The following STARD13 variants were observed in gnomAD, a reference collection of about 807,000 sequenced individuals.
The protein encoded by STARD13 is StAR related lipid transfer domain containing 13.
STARD13 carries 62 observed loss-of-function variants against 106.4 expected under a neutral mutation model. That is an observed-to-expected ratio of 0.58 (90% confidence interval 0.48 to 0.72). The LOEUF (loss-of-function observed/expected upper bound fraction) is 0.72, where lower values mean the gene tolerates loss of function less well. STARD13 is among the 30% of genes least tolerant of loss of function. The probability of loss-of-function intolerance (pLI) is 0.00; values close to 1 mark genes in which losing one functional copy is unlikely to be tolerated. For synonymous variants in STARD13, 565 were observed against 553.0 expected (o/e 1.02, Z -0.31); for missense variants, 1,387 against 1,424.0 (o/e 0.97, Z 0.42).
At chr13:33,145,657 T>C (rs1880430620) in intron 3 of STARD13, among the ~76,000 whole-genome samples, 1 of 152,196 alleles carries the variant, frequency 6.6e-6, no homozygotes, top group Non-Finnish European at 1.5e-5. Context: ...AAAATTGTGG[T>C]ATATCCATAC....
chr13:33,269,298 T>C (rs1160435914), intron 1 of STARD13, among the ~76,000 whole-genome samples: 2 of 152,174 alleles, frequency 1.3e-5, no homozygotes, highest in Non-Finnish European at 2.9e-5. Context: ...TTAAACACGT[T>C]AAGGAATATG....
At chr13:33,211,094 T>G (rs1293094808) in intron 1 of STARD13, among the ~76,000 whole-genome samples, 2 of 152,038 alleles carry the variant, frequency 1.3e-5, no homozygotes, top group East Asian at 3.8e-4. Context: ...GATCATTCCT[T>G]TTTAGTAAAT....
the STARD13 span, among the ~76,000 whole-genome samples, chr13:33,624,566 G>T: frequency 6.6e-6 from 1 of 152,056 alleles, no homozygotes. Context: ...CCAATGTCCT[G>T]CCCAGCATTG....
At position 33,239,915 on chromosome 13, in the gene STARD13, A is replaced by C. The variant is rs144863698; in HGVS notation, c.169+45555T>G. ...AAGTTTGATGTAGTCCCATTTGTCT[A>C]TTTTTGCTTTGCTGCCTGTGTTTTG... On this transcript the variant is annotated intron_variant, in intron 1 of 13. Transcript: ENST00000336934. 2.3e-3 allele frequency among the ~76,000 whole-genome samples: 351 copies of C among 151,998 alleles called. 1 individual carries two copies. Among genetic ancestry groups the C allele is most frequent in the African/African-American group, 7.9e-3 (328 of 41,444 alleles).
At chr13:33,302,029 A>G (rs1012697015) in intron 1 of STARD13, among the ~76,000 whole-genome samples, 3 of 152,188 alleles carry the variant, frequency 2.0e-5, no homozygotes, top group African/African-American at 7.2e-5. Context: ...AGGAGGAAGG[A>G]CTGATACAAG....
chr13:33,127,487 G>C lies in STARD13; in HGVS notation c.1808C>G (p.Pro603Arg), dbSNP rs2138152108. ...GCTGGCCGTCTGGCTGCTGATGTGG[G>C]GCGATGCTGGGGCCGGCCGGGGCTG... is the stretch of plus-strand genomic sequence containing the variant. ...SHQPRPAPASPHISSQTASQL... is the reference protein window; with the variant it reads ...SHQPRPAPASRHISSQTASQL... Residue 603 changes from proline (P) to arginine (R), a missense_variant, in exon 6 of 14, where the codon CCC (proline) becomes CGC (arginine). Coordinates refer to ENST00000336934, the MANE Select transcript of STARD13 (RefSeq NM_178006.4). The C allele has an allele frequency of 1.3e-6, 2 of 1,593,088 alleles. No homozygotes were observed. The highest frequency in any genetic ancestry group is 1.7e-6 in the Non-Finnish European group (2 of 1,175,138).
the STARD13 span, among the ~76,000 whole-genome samples, chr13:33,376,591 A>G: frequency 6.6e-6 from 1 of 152,166 alleles, no homozygotes; most frequent in Non-Finnish European, 1.5e-5. Flanking sequence ...ACCACACTCT[A>G]TCCTGACCAA....
At chr13:33,204,122 T>C (rs1324085233) in intron 1 of STARD13, among the ~76,000 whole-genome samples, 2 of 152,184 alleles carry the variant, frequency 1.3e-5, no homozygotes, top group Non-Finnish European at 2.9e-5. Context: ...AGGTCTGACG[T>C]GGGTACTGTC....
chr13:33,432,544 C>T, the STARD13 span, among the ~76,000 whole-genome samples: 1 of 151,914 alleles, frequency 6.6e-6, no homozygotes, highest in Non-Finnish European at 1.5e-5. Flanking sequence ...AATTAGTTGC[C>T]AGAGATTAAT....
intron 3 of STARD13, among the ~76,000 whole-genome samples, chr13:33,143,510 T>C (rs1014518247): frequency 6.6e-6 from 1 of 152,218 alleles, no homozygotes; most frequent in Non-Finnish European, 1.5e-5. Context: ...TTACCTATTC[T>C]CTTGCTGATG....
At chr13:33,648,362 C>T in the STARD13 span, among the ~76,000 whole-genome samples, 24 of 152,342 alleles carry the variant, frequency 1.6e-4, no homozygotes, top group Middle Eastern at 3.4e-3. Context: ...TTACCTACTA[C>T]TTTGGGTTCT....
At chr13:33,146,728 GA>G (rs1275115705) in intron 3 of STARD13, among the ~76,000 whole-genome samples, 1 of 152,186 alleles carries the variant, frequency 6.6e-6, no homozygotes, top group Non-Finnish European at 1.5e-5. Flanking sequence ...AACTTTTTAA[GA>G]AAGCTGTAAA....
At chr13:33,663,221 G>A in the STARD13 span, among the ~76,000 whole-genome samples, 1 of 152,038 alleles carries the variant, frequency 6.6e-6, no homozygotes, top group Admixed American at 6.6e-5. Flanking sequence ...AAAGAGCTGG[G>A]ATTACAGGCA....
At chr13:33,436,314 A>G in the STARD13 span, among the ~76,000 whole-genome samples, 1 of 152,196 alleles carries the variant, frequency 6.6e-6, no homozygotes, top group Non-Finnish European at 1.5e-5. Context: ...TGCACTAAGA[A>G]TGGTACATCA....
chr13:33,631,308 T>A, the STARD13 span, among the ~76,000 whole-genome samples: 2 of 152,236 alleles, frequency 1.3e-5, no homozygotes, highest in African/African-American at 4.8e-5. Flanking sequence ...TCTAAAACCA[T>A]TTATCCAGTT....
the STARD13 span, among the ~76,000 whole-genome samples, chr13:33,549,996 T>C: frequency 6.6e-6 from 1 of 152,216 alleles, no homozygotes; most frequent in African/African-American, 2.4e-5. Flanking sequence ...AGCATGCTGA[T>C]CAAGAAACTT....
At chr13:33,641,565 G>T in the STARD13 span, among the ~76,000 whole-genome samples, 2 of 152,160 alleles carry the variant, frequency 1.3e-5, no homozygotes, top group East Asian at 1.9e-4. Flanking sequence ...AGACAGGAGG[G>T]CAGGAGAAGA....
chr13:33,168,142 G>T (rs1883549376), intron 1 of STARD13, among the ~76,000 whole-genome samples: 1 of 151,798 alleles, frequency 6.6e-6, no homozygotes, highest in South Asian at 2.1e-4. Flanking sequence ...CTAAAATCCA[G>T]TGTATTATTG....
rs184927568 is a variant in STARD13 at position 33,278,880 on chromosome 13, C to T, written c.169+6590G>A. Among the ~76,000 whole-genome samples the T allele has an allele frequency of 2.6e-3, 399 of 152,142 alleles. 1 individual carries two copies. Among genetic ancestry groups the T allele is most frequent in the African/African-American group, 8.6e-3 (358 of 41,516 alleles). Reference sequence around the variant, plus strand: ...TCATCAGATTTATCTTTTTTGCAATCTTTAGTTATATATTCTTCTATAAAT... The same window carrying T: ...TCATCAGATTTATCTTTTTTGCAATTTTTAGTTATATATTCTTCTATAAAT... On this transcript the variant is annotated intron_variant, in intron 1 of 13. Transcript: ENST00000336934.
Sources: allele counts gnomAD v4.1 joint callset (sites outside exome capture counted in the v4.1 genomes callset), GRCh38; gene constraint gnomAD v4.1.1; transcripts MANE v1.5; gene names NCBI Gene and HGNC (gene_info 2026-07-23, HGNC 2026-07-21).